PITRM1: variants seen among roughly 807,000 people sequenced by gnomAD.
PITRM1 encodes pitrilysin metallopeptidase 1, also known as presequence protease, mitochondrial.
In PITRM1, 100 loss-of-function variants were observed where a neutral mutation model predicts 129.9. The observed-to-expected ratio is 0.77, with a 90% CI of 0.65 to 0.91. The LOEUF is 0.91. Among genes scored for constraint, PITRM1 ranks in the 40% least tolerant of loss-of-function variants. The probability of loss-of-function intolerance (pLI) is 0.00; values close to 1 mark genes in which losing one functional copy is unlikely to be tolerated. For missense variants in PITRM1, 1,471 were observed against 1,318.3 expected, an observed-to-expected ratio of 1.12 and a Z score of -1.79; for synonymous variants, 591 against 508.8, an observed-to-expected ratio of 1.16 and a Z score of -2.17.
chr10:3,139,885 T>A (rs1463431684), intron 24 of PITRM1, among the ~76,000 whole-genome samples: 1 of 152,116 alleles, frequency 6.6e-6, no homozygotes, highest in Non-Finnish European at 1.5e-5. Context: ...CCATAGAAAA[T>A]CAAGAATATT....
chr10:3,138,367 C>T (rs1410339936), intron 25 of PITRM1, 30 bp from the exon 26 acceptor site: 1 of 1,514,626 alleles, frequency 6.6e-7, no homozygotes, highest in Admixed American at 1.7e-5. Flanking sequence ...CACGATGGAG[C>T]CGCTGCCCGG....
At chr10:3,158,181 C>T in intron 10 of PITRM1, 28 bp from the exon 11 acceptor site, 1 of 1,334,118 alleles carries the variant, frequency 7.5e-7, no homozygotes, top group African/African-American at 1.4e-5. Flanking sequence ...AAATGATGCA[C>T]TGGAATCCGG....
At chr10:3,160,474 G>T in intron 7 of PITRM1, 144 bp from the exon 8 acceptor site, 1 of 642,250 alleles carries the variant, frequency 1.6e-6, no homozygotes, top group South Asian at 2.0e-5. Context: ...ACTCAACCAA[G>T]GTCCAAAAAT....
rs1839774448 is a variant in PITRM1, at chr10:3,138,227, CCA to C, written c.3020+6_3020+7del. On this transcript the variant is annotated splice_donor_region_variant and intron_variant, in intron 26 of 26. Coordinates refer to ENST00000224949, the MANE Select transcript of PITRM1 (RefSeq NM_014889.4). ...TCCCAGACGCTGTCTCCCCCGCTCC[CCA>C]CTCACCTATCGCTCACGGCCAGGAG... The C allele has an allele frequency of 6.2e-7, 1 of 1,608,042 alleles. No homozygotes were observed. The highest frequency in any genetic ancestry group is 1.7e-5 in the Admixed American group (1 of 59,996).
chr10:3,166,158 A>G (rs536242503), intron 4 of PITRM1, 71 bp downstream of exon 4: 2 of 1,342,450 alleles, frequency 1.5e-6, no homozygotes, highest in South Asian at 3.1e-5. Flanking sequence ...TCCTTCTCAG[A>G]AACTAACTGA....
rs1438939208 is a variant in PITRM1 at position 3,138,178 on chromosome 10, T to TA, written c.3021-55dup. On this transcript the variant is annotated intron_variant, in intron 26 of 26. Coordinates refer to ENST00000224949, the MANE Select transcript of PITRM1 (RefSeq NM_014889.4). ...GGACTGGCTTCTGCGTGAGCGCTGTTAGAGTCAGCACGAGGGCTTCCAGTC... is the reference window on the plus strand; with the variant it reads ...GGACTGGCTTCTGCGTGAGCGCTGTTAAGAGTCAGCACGAGGGCTTCCAGTC... 39 of 1,572,434 alleles carry TA rather than the reference T, an allele frequency of 2.5e-5. No homozygotes were observed. In the East Asian group the frequency reaches 3.4e-4, roughly 14 times the overall value.
At position 3,137,926 on chromosome 10, in the gene PITRM1, CAATGACAT is replaced by C. The variant is rs1839702534; in HGVS notation, c.*97_*104del. On this transcript the variant is annotated 3_prime_UTR_variant, in exon 27 of 27. Coordinates refer to ENST00000224949, the MANE Select transcript of PITRM1 (RefSeq NM_014889.4). ...GCCAGTCAAGGGCTTTGGCGACACTCAATGACATAATATTCTTGGAAAAAGCAGTAGCA... is the reference window on the plus strand; with the variant it reads ...GCCAGTCAAGGGCTTTGGCGACACTCAATATTCTTGGAAAAAGCAGTAGCA... 2.8e-6 allele frequency: 2 copies of C among 707,968 alleles called. No homozygotes were observed. The highest frequency in any genetic ancestry group is 1.8e-5 in the South Asian group (1 of 55,228). 43.9% of individuals were successfully genotyped at this position (707,968 alleles called of 1,614,324 possible).
In PITRM1 at chr10:3,167,275, A is replaced by AAGAG. The variant is rs201491690; in HGVS notation, c.160-237_160-234dup. 2.6e-4 allele frequency among the ~76,000 whole-genome samples: 33 copies of AAGAG among 124,854 alleles called. No individual in the cohort carries two copies. The South Asian group carries it at 3.1e-3, about 12-fold the overall frequency. The allele number at this position is 124,854 out of a possible 152,430, so 81.9% of individuals were successfully genotyped here. On this transcript the variant is annotated intron_variant, in intron 2 of 26. Coordinates refer to ENST00000224949, the MANE Select transcript of PITRM1 (RefSeq NM_014889.4). Reference sequence around the variant, plus strand: ...GAGAATATGTGTGTGTGTGTATAGAAAGAGAGAGAGAGCGAGCGAGCGAGC... The same window carrying AAGAG: ...GAGAATATGTGTGTGTGTGTATAGAAAGAGAGAGAGAGAGAGCGAGCGAGCGAGC...
intron 2 of PITRM1, among the ~76,000 whole-genome samples, chr10:3,167,280 AGAGAGAGC>A (rs367625541): frequency 1.4e-4 from 10 of 73,784 alleles, no homozygotes; most frequent in South Asian, 4.7e-4. Flanking sequence ...ATAGAAAGAG[AGAGAGAGC>A]GAGCGAGCGA....
At chr10:3,139,961 A>G (rs772552506) in intron 24 of PITRM1, among the ~76,000 whole-genome samples, 76 of 152,172 alleles carry the variant, frequency 5.0e-4, no homozygotes, top group Non-Finnish European at 8.5e-4. Context: ...GGCACCTCCA[A>G]CTGAAATGAG....
At chr10:3,143,168 T>A (rs560618535) in intron 23 of PITRM1, 26 of 565,264 alleles carry the variant, frequency 4.6e-5, no homozygotes, top group African/African-American at 3.9e-4. Flanking sequence ...TCCTCAATAA[T>A]AGAAATTGTT....
In PITRM1 at chr10:3,140,799, C is replaced by A. The variant is rs1840110495; in HGVS notation, c.2659G>T (p.Ala887Ser). Residue 887 changes from alanine to serine, a missense_variant, in exon 24 of 27, where the codon GCA (alanine) becomes TCA (serine). By Grantham distance (99) the Ala-to-Ser change is moderately conservative (BLOSUM62 1). Coordinates refer to ENST00000224949, the MANE Select transcript of PITRM1 (RefSeq NM_014889.4). ...DPDHASLKIL[A>S]RLMTAKFLHT... ...AAGAATTTGGCAGTCATCAAACGTG[C>A]AAGGATTTTAAGACTGAAATGATTA... 7 of 1,583,922 alleles carry A rather than the reference C, an allele frequency of 4.4e-6. No homozygotes were observed. The highest frequency in any genetic ancestry group is 6.0e-6 in the Non-Finnish European group (7 of 1,163,608).
At chr10:3,144,190 CCA>C in intron 22 of PITRM1, 100 bp downstream of exon 22, 1 of 701,928 alleles carries the variant, frequency 1.4e-6, no homozygotes, top group Non-Finnish European at 2.5e-6. Context: ...CACGCCAGCC[CCA>C]CAGACAGGCG....
In PITRM1 at chr10:3,143,418, A is replaced by C. The variant is rs1454631752; in HGVS notation, c.2616T>G (p.Thr872=). The C allele has an allele frequency of 7.4e-6, 12 of 1,612,780 alleles. No individual in the cohort carries two copies. In the Admixed American group the frequency reaches 2.0e-4, roughly 27 times the overall value. ...PVNYVGECIR[T]VPYTDPDHAS... The stretch of plus-strand genomic sequence containing the variant: ...CATGATCTGGGTCCGTGTAGGGGAC[A>C]GTTCGGATGCATTCACCCACGTAAT... The change falls in exon 23 of 27, where the codon ACT becomes ACG. Residue 872 remains threonine, a synonymous_variant. Coordinates refer to ENST00000224949, the MANE Select transcript of PITRM1 (RefSeq NM_014889.4).
intron 24 of PITRM1, among the ~76,000 whole-genome samples, chr10:3,140,356 C>T (rs1204411678): frequency 2.6e-5 from 4 of 152,150 alleles, no homozygotes; most frequent in African/African-American, 9.7e-5. Flanking sequence ...TGGAATTTTC[C>T]ATTTAATATT....
intron 14 of PITRM1, 31 bp downstream of exon 14, chr10:3,155,560 G>C: frequency 6.2e-7 from 1 of 1,612,930 alleles, no homozygotes; most frequent in Admixed American, 1.7e-5. Flanking sequence ...TGCAGGTTAG[G>C]GACTCGCCAG....
intron 1 of PITRM1, among the ~76,000 whole-genome samples, chr10:3,170,855 T>C (rs971642026): frequency 2.0e-5 from 3 of 151,676 alleles, no homozygotes; most frequent in African/African-American, 2.4e-5. Context: ...CCCAGATACT[T>C]GGGAGGCTGA....
In PITRM1 at chr10:3,151,350, C is replaced by G; in HGVS notation, c.1635G>C (p.Arg545=). 1.2e-6 allele frequency: 2 copies of G among 1,603,126 alleles called. No individual in the cohort carries two copies. The highest frequency in any genetic ancestry group is 1.1e-5 in the South Asian group (1 of 89,716). Reference sequence around the variant, plus strand: ...CATCTTGAGGTTTGCTTTGTTGACTCCGTAATTCTAGACCTAAAAAAGAAA... The same window carrying G: ...CATCTTGAGGTTTGCTTTGTTGACTGCGTAATTCTAGACCTAAAAAAGAAA... ...QQIYEKGLEL[R]SQQSKPQDAS... Residue 545 remains arginine (R), a synonymous_variant, in exon 15 of 27, where the codon CGG becomes CGC. Transcript: ENST00000224949.
At chr10:3,161,894 G>A (rs1348694569) in intron 7 of PITRM1, among the ~76,000 whole-genome samples, 3 of 151,544 alleles carry the variant, frequency 2.0e-5, no homozygotes, top group Non-Finnish European at 2.9e-5. Context: ...TCTTCTCCAT[G>A]TTGGGCGCAG....
Sources: allele counts gnomAD v4.1 joint callset (sites outside exome capture counted in the v4.1 genomes callset), GRCh38; gene constraint gnomAD v4.1.1; transcripts MANE v1.5; gene names NCBI Gene and HGNC (gene_info 2026-07-23, HGNC 2026-07-21).